ANKRD55: variants seen among roughly 807,000 people sequenced by gnomAD.
ANKRD55 encodes the protein ankyrin repeat domain 55, also known as ankyrin repeat domain-containing protein 55.
A neutral mutation model predicts 60.6 loss-of-function variants in ANKRD55; 41 were observed. The ratio of observed to expected loss-of-function variants is 0.68; its 90% CI spans 0.53 to 0.88. ANKRD55 has a LOEUF of 0.88. Among genes scored for constraint, ANKRD55 ranks in the 40% least tolerant of loss-of-function variants. The pLI is 0.00. For synonymous variants in ANKRD55, 264 were observed against 290.3 expected, an observed-to-expected ratio of 0.91 and a Z score of 0.92; for missense variants, 732 against 767.6, an observed-to-expected ratio of 0.95 and a Z score of 0.55.
rs563336533 is a variant in ANKRD55 at position 56,220,298 on chromosome 5, G to C, written c.58+12558C>G. On this transcript the variant is annotated intron_variant, in intron 2 of 11. Coordinates refer to ENST00000341048, the MANE Select transcript of ANKRD55 (RefSeq NM_024669.3). ...GGGCTTCCTTCTGTAGAGTCCATAA[G>C]AAGAGCCATAAAGGGTGGAAGGAAA... is the stretch of plus-strand genomic sequence containing the variant. 2.0e-5 allele frequency among the ~76,000 whole-genome samples: 3 copies of C among 152,316 alleles called. No individual in the cohort carries two copies. In the South Asian group the frequency reaches 6.2e-4, roughly 32 times the overall value.
At chr5:56,222,829 G>A (rs1255675452) in intron 2 of ANKRD55, among the ~76,000 whole-genome samples, 1 of 152,156 alleles carries the variant, frequency 6.6e-6, no homozygotes, top group Non-Finnish European at 1.5e-5. Context: ...AATGAACAAA[G>A]CCTCCAAGAA....
chr5:56,182,540 A>T (rs1345604321), intron 3 of ANKRD55, among the ~76,000 whole-genome samples: 2 of 152,112 alleles, frequency 1.3e-5, no homozygotes, highest in African/African-American at 4.8e-5. Context: ...CGGTTATTTT[A>T]AAATCTTTGT....
At chr5:56,213,449 A>G (rs1759726133) in intron 2 of ANKRD55, among the ~76,000 whole-genome samples, 1 of 152,084 alleles carries the variant, frequency 6.6e-6, no homozygotes, top group Non-Finnish European at 1.5e-5. Context: ...GTGTGAATAT[A>G]TTACCATTCT....
At chr5:56,146,189 G>A in intron 6 of ANKRD55, among the ~76,000 whole-genome samples, 1 of 152,086 alleles carries the variant, frequency 6.6e-6, no homozygotes, top group East Asian at 1.9e-4. Context: ...GCCTTTGTTT[G>A]CCAGTCTGAA....
rs192048328 is a variant in ANKRD55, at chr5:56,183,900, C to T, written c.59-266G>A. Among the ~76,000 whole-genome samples, 104 of 152,340 alleles carry T rather than the reference C, an allele frequency of 6.8e-4. 1 individual carries two copies. The highest frequency in any genetic ancestry group is 4.1e-4 in the Non-Finnish European group (28 of 68,034). ...GATTTTCTGATTATTTCCAGGCATTCAGGCTTCTCGAAGCCAGGGAGCCCA... is the reference window on the plus strand; with the variant it reads ...GATTTTCTGATTATTTCCAGGCATTTAGGCTTCTCGAAGCCAGGGAGCCCA... On this transcript the variant is annotated intron_variant, in intron 2 of 11. Coordinates refer to ENST00000341048, the MANE Select transcript of ANKRD55 (RefSeq NM_024669.3).
intron 7 of ANKRD55, chr5:56,127,562 G>T: frequency 1.0e-6 from 1 of 985,228 alleles, no homozygotes; most frequent in African/African-American, 1.7e-5. Context: ...GATTGGTGGC[G>T]CAGTGATGCA....
chr5:56,207,087 G>T (rs535986206), intron 2 of ANKRD55, among the ~76,000 whole-genome samples: 1 of 152,150 alleles, frequency 6.6e-6, no homozygotes, highest in Admixed American at 6.5e-5. Flanking sequence ...TAAGTGAATC[G>T]CCCTTCTATC....
chr5:56,212,202 T>C (rs1264512811), intron 2 of ANKRD55, among the ~76,000 whole-genome samples: 1 of 152,052 alleles, frequency 6.6e-6, no homozygotes. Flanking sequence ...CATGGCCAAA[T>C]ACAGTTTATT....
intron 5 of ANKRD55, among the ~76,000 whole-genome samples, chr5:56,163,749 C>T (rs1426938694): frequency 6.6e-6 from 1 of 152,190 alleles, no homozygotes; most frequent in African/African-American, 2.4e-5. Flanking sequence ...ATGACTTTGA[C>T]TCCATGCACA....
chr5:56,121,537 T>TA (rs1196569925), intron 8 of ANKRD55, among the ~76,000 whole-genome samples: 1 of 152,004 alleles, frequency 6.6e-6, no homozygotes, highest in Admixed American at 6.6e-5. Context: ...CACACCCAGC[T>TA]AATTTTTGTA....
In ANKRD55 at chr5:56,099,700, T is replaced by A; in HGVS notation, c.*483A>T. The A allele has an allele frequency of 6.5e-6, 1 of 153,552 alleles. No individual in the cohort carries two copies. The highest frequency in any genetic ancestry group is 1.9e-4 in the East Asian group (1 of 5,248). The allele number at this position is 153,552 out of a possible 1,614,324, so 9.5% of individuals were successfully genotyped here. The stretch of plus-strand genomic sequence containing the variant: ...TAAACTGTGACTGATCATAGGAATT[T>A]ATTTTTAAATAGGTTTCATTAGTTC... On this transcript the variant is annotated 3_prime_UTR_variant, in exon 12 of 12. Transcript: ENST00000341048.
chr5:56,187,189 T>C (rs917407838), intron 2 of ANKRD55, among the ~76,000 whole-genome samples: 3 of 152,336 alleles, frequency 2.0e-5, no homozygotes, highest in Middle Eastern at 3.4e-3. Context: ...CAGCTGGATG[T>C]CCTAGGCTGA....
rs372499783 is a variant in ANKRD55 at position 56,127,052 on chromosome 5, T to A, written c.667A>T (p.Ile223Leu). 51 of 1,613,772 alleles carry A rather than the reference T, an allele frequency of 3.2e-5. No homozygotes were observed. The South Asian group carries it at 5.2e-4, about 16-fold the overall frequency. ...CCACTCTCATCATCATAGTTGATTA[T>A]GGACGGCCCCTGGTGATGGCTCAGA... Reference protein sequence around the residue: ...IILSHHQGPSIINYDDESGKT... With the variant: ...IILSHHQGPSLINYDDESGKT... Residue 223 changes from isoleucine to leucine, a missense_variant, in exon 8 of 12, where the codon ATA (isoleucine) becomes TTA (leucine). Ile to Leu is a conservative substitution (Grantham distance 5). Coordinates refer to ENST00000341048, the MANE Select transcript of ANKRD55 (RefSeq NM_024669.3).
intron 2 of ANKRD55, among the ~76,000 whole-genome samples, chr5:56,229,757 G>A (rs149175): frequency 0.35 from 53,523 of 152,060 alleles, 10,570 homozygotes; most frequent in East Asian, 0.84. Flanking sequence ...TCTCTGGGCA[G>A]CCATGAGCCA....
chr5:56,124,593 T>C (rs941895437), intron 8 of ANKRD55, among the ~76,000 whole-genome samples: 4 of 152,118 alleles, frequency 2.6e-5, no homozygotes, highest in Non-Finnish European at 5.9e-5. Context: ...CTGCAACCTC[T>C]GCCTCTCAGG....
chr5:56,227,347 G>A (rs1018761531), intron 2 of ANKRD55, among the ~76,000 whole-genome samples: 1 of 136,070 alleles, frequency 7.3e-6, no homozygotes, highest in South Asian at 2.8e-4. Context: ...GTGGGGTAGG[G>A]GGAGGGGGGA....
Position 56,149,842 on chromosome 5 carries a change from T to TC in ANKRD55, c.484-5914dup, listed in dbSNP as rs1394845534. Among the ~76,000 whole-genome samples, 201 of 151,050 alleles carry TC rather than the reference T, an allele frequency of 1.3e-3. 1 individual carries two copies. Among genetic ancestry groups the TC allele is most frequent in the African/African-American group, 4.8e-3 (194 of 40,814 alleles). On this transcript the variant is annotated intron_variant, in intron 6 of 11. Transcript: ENST00000341048. ...AATTACATCTTTATTTTCACTAACT[T>TC]CTTTTTTTTTTTTTTTTGAGACGGA...
chr5:56,173,816 G>C (rs765144788), intron 4 of ANKRD55, among the ~76,000 whole-genome samples: 22 of 151,948 alleles, frequency 1.4e-4, no homozygotes, highest in Non-Finnish European at 2.9e-4. Flanking sequence ...AAAGTAGCGG[G>C]ATTACAGGCG....
At chr5:56,145,956 C>T (rs1757884792) in intron 6 of ANKRD55, among the ~76,000 whole-genome samples, 2 of 152,138 alleles carry the variant, frequency 1.3e-5, no homozygotes, top group Non-Finnish European at 2.9e-5. Flanking sequence ...TCTAATTGGT[C>T]CTCTTCATTT....
Sources: allele counts gnomAD v4.1 joint callset (sites outside exome capture counted in the v4.1 genomes callset), GRCh38; gene constraint gnomAD v4.1.1; transcripts MANE v1.5; gene names NCBI Gene and HGNC (gene_info 2026-07-23, HGNC 2026-07-21).